The following UST variants were observed in gnomAD, a reference collection of about 807,000 sequenced individuals.
UST encodes uronyl 2-sulfotransferase, also known as chondroitin sulfate 2-O-sulfotransferase.
In UST, 21 loss-of-function variants were observed where a neutral mutation model predicts 45.6. That is an observed-to-expected ratio of 0.46 (90% CI 0.33 to 0.66). The LOEUF (loss-of-function observed/expected upper bound fraction) is 0.66. UST is among the 30% of genes least tolerant of loss of function. UST has a pLI of 0.02. For missense variants in UST, 463 were observed against 512.4 expected, an observed-to-expected ratio of 0.90 and a Z score of 0.93; for synonymous variants, 215 against 200.6, an observed-to-expected ratio of 1.07 and a Z score of -0.61.
chr6:148,861,513 TCTTAGTTATTTCTTGC>T (rs1324834324), intron 1 of UST, among the ~76,000 whole-genome samples: 15 of 152,224 alleles, frequency 9.9e-5, no homozygotes, highest in African/African-American at 3.6e-4. Flanking sequence ...TCTGTTCTGA[TCTTAGTTATTTCTTGC>T]CTTCTGCTAG....
At chr6:149,050,504 A>T (rs561645709) in intron 7 of UST, among the ~76,000 whole-genome samples, 19 of 152,318 alleles carry the variant, frequency 1.2e-4, no homozygotes, top group African/African-American at 4.3e-4. Context: ...CCCTCCCATT[A>T]CATACCACAA....
chr6:148,764,575 G>A lies in UST; in HGVS notation c.247+16898G>A, dbSNP rs1007985321. 7.9e-5 allele frequency among the ~76,000 whole-genome samples: 12 copies of A among 152,166 alleles called. No individual in the cohort carries two copies. The East Asian group carries it at 2.3e-3, about 29-fold the overall frequency. ...TGTCGGCCGGTCTGAGAAATAAAGG[G>A]AAAGAGTACAAAAGAGAGAAATTTT... On this transcript the variant is annotated intron_variant, in intron 1 of 7. Transcript: ENST00000367463.
At chr6:148,891,467 A>C (rs1416646913) in intron 2 of UST, among the ~76,000 whole-genome samples, 1 of 152,210 alleles carries the variant, frequency 6.6e-6, no homozygotes, top group Non-Finnish European at 1.5e-5. Context: ...TTTGCATGCA[A>C]AATTTAATCT....
In UST at chr6:148,949,028, C is replaced by T. The variant is rs536501571; in HGVS notation, c.448-4844C>T. On this transcript the variant is annotated intron_variant, in intron 3 of 7. Coordinates refer to ENST00000367463, the MANE Select transcript of UST (RefSeq NM_005715.3). ...ATCCATGGCTGGGCACGGTGGCTCA[C>T]ACCTGTAATCCTAGCACTTTGGCAG... Among the ~76,000 whole-genome samples the T allele has an allele frequency of 9.9e-5, 15 of 152,224 alleles. No homozygotes were observed. The South Asian group carries it at 3.1e-3, about 32-fold the overall frequency.
Position 148,855,661 on chromosome 6 carries a change from T to C in UST, c.248-31325T>C, listed in dbSNP as rs138201743. Among the ~76,000 whole-genome samples the C allele has an allele frequency of 5.3e-5, 8 of 152,348 alleles. No homozygotes were observed. In the East Asian group the frequency reaches 1.5e-3, roughly 29 times the overall value. On this transcript the variant is annotated intron_variant, in intron 1 of 7. Coordinates refer to ENST00000367463, the MANE Select transcript of UST (RefSeq NM_005715.3). ...TTTTGGCAGAAGGCAGTTTCATCTT[T>C]CCATGCACTTGCACACAGGTAGAAA...
intron 1 of UST, among the ~76,000 whole-genome samples, chr6:148,823,406 T>C (rs1445838353): frequency 6.6e-6 from 1 of 152,230 alleles, no homozygotes; most frequent in Non-Finnish European, 1.5e-5. Flanking sequence ...ACATCAGATC[T>C]TCTTGAAATC....
intron 1 of UST, among the ~76,000 whole-genome samples, chr6:148,836,556 T>C (rs902084622): frequency 1.3e-5 from 2 of 152,206 alleles, no homozygotes; most frequent in Admixed American, 6.5e-5. Context: ...TCTCTGAGCA[T>C]TGGATTCTTG....
chr6:148,904,883 T>A (rs1370470820), intron 2 of UST, among the ~76,000 whole-genome samples: 1 of 152,074 alleles, frequency 6.6e-6, no homozygotes, highest in East Asian at 1.9e-4. Flanking sequence ...AGATTCCCCA[T>A]CTTGTAAGGC....
At chr6:148,794,542 C>A (rs1776911897) in intron 1 of UST, among the ~76,000 whole-genome samples, 1 of 152,016 alleles carries the variant, frequency 6.6e-6, no homozygotes, top group Non-Finnish European at 1.5e-5. Flanking sequence ...ATAAGACAAC[C>A]TTTTTTAAAA....
At chr6:148,784,191 A>G (rs1776696182) in intron 1 of UST, among the ~76,000 whole-genome samples, 1 of 152,228 alleles carries the variant, frequency 6.6e-6, no homozygotes, top group African/African-American at 2.4e-5. Flanking sequence ...TGAAAAAGGT[A>G]ACACTAAAAA....
chr6:148,763,579 A>G (rs2114661587), intron 1 of UST, among the ~76,000 whole-genome samples: 1 of 152,242 alleles, frequency 6.6e-6, no homozygotes, highest in African/African-American at 2.4e-5. Flanking sequence ...GCCCAGGCCA[A>G]TGTTCAGAAG....
intron 4 of UST, among the ~76,000 whole-genome samples, chr6:148,958,028 G>C (rs1780557602): frequency 6.6e-6 from 1 of 152,174 alleles, no homozygotes; most frequent in African/African-American, 2.4e-5. Flanking sequence ...CAAATGGTCA[G>C]AACTTTTGAA....
chr6:148,966,025 A>C (rs1002240070), intron 5 of UST, among the ~76,000 whole-genome samples: 20 of 151,912 alleles, frequency 1.3e-4, no homozygotes, highest in African/African-American at 4.8e-4. Flanking sequence ...GGAGATCGAG[A>C]CCAGCCTGGC....
At chr6:149,048,649 T>C (rs1776428899) in intron 7 of UST, among the ~76,000 whole-genome samples, 1 of 152,148 alleles carries the variant, frequency 6.6e-6, no homozygotes, top group Admixed American at 6.5e-5. Flanking sequence ...AATGATATCA[T>C]ATGATTATAT....
At chr6:148,986,797 T>C (rs1393086088) in intron 5 of UST, among the ~76,000 whole-genome samples, 1 of 152,220 alleles carries the variant, frequency 6.6e-6, no homozygotes, top group Non-Finnish European at 1.5e-5. Flanking sequence ...TTCCCTGAAT[T>C]GCCGTCATCA....
chr6:148,944,683 A>G (rs1780199685), intron 3 of UST, among the ~76,000 whole-genome samples: 3 of 152,200 alleles, frequency 2.0e-5, no homozygotes, highest in Admixed American at 2.0e-4. Context: ...AAATAGAAAT[A>G]CCTTTGAAGT....
intron 1 of UST, among the ~76,000 whole-genome samples, chr6:148,857,438 C>T (rs1051824934): frequency 1.3e-5 from 2 of 152,132 alleles, no homozygotes; most frequent in African/African-American, 2.4e-5. Context: ...CTACTCCTTC[C>T]CGTGAATGCA....
At chr6:148,818,421 G>A (rs1390308396) in intron 1 of UST, among the ~76,000 whole-genome samples, 1 of 152,194 alleles carries the variant, frequency 6.6e-6, no homozygotes, top group Non-Finnish European at 1.5e-5. Context: ...GTAAAACACA[G>A]GTCTTCATTT....
At chr6:148,947,593 T>C (rs1386589564) in intron 3 of UST, among the ~76,000 whole-genome samples, 2 of 152,194 alleles carry the variant, frequency 1.3e-5, no homozygotes, top group African/African-American at 4.8e-5. Flanking sequence ...CACCTGAGAC[T>C]CTCTCAAACC....
Sources: gnomAD v4.1 joint callset for allele counts (sites outside exome capture counted in the v4.1 genomes callset) on GRCh38, gnomAD v4.1.1 for gene constraint, MANE v1.5 for transcripts, NCBI Gene and HGNC (gene_info 2026-07-23, HGNC 2026-07-21) for gene names.